Variants in WDPCP observed in about 807,000 individuals in gnomAD.
The protein encoded by WDPCP is WD repeat-containing and planar cell polarity effector protein fritz homolog.
WDPCP carries 71 observed loss-of-function variants against 93.1 expected under a neutral mutation model. That is an observed-to-expected ratio of 0.76 (90% CI 0.63 to 0.93). WDPCP has a LOEUF of 0.93. WDPCP is among the 40% of genes least tolerant of loss of function. The pLI, the probability that WDPCP is intolerant of heterozygous loss-of-function variation, is 0.00. For synonymous variants in WDPCP, 315 were observed against 315.0 expected (o/e 1.00, Z 0.00); for missense variants, 844 against 887.4 (o/e 0.95, Z 0.62).
At chr2:63,203,870 C>T (rs1033935542) in intron 14 of WDPCP, among the ~76,000 whole-genome samples, 1 of 152,170 alleles carries the variant, frequency 6.6e-6, no homozygotes, top group African/African-American at 2.4e-5. Context: ...CGTGTTGTTG[C>T]AGATAACAGG....
chr2:63,346,562 C>T (rs1689206754), intron 12 of WDPCP, among the ~76,000 whole-genome samples: 1 of 152,224 alleles, frequency 6.6e-6, no homozygotes, highest in Non-Finnish European at 1.5e-5. Context: ...AGCAGGGATT[C>T]TAGGGCAGCT....
intron 2 of WDPCP, among the ~76,000 whole-genome samples, chr2:63,657,743 T>A (rs1048043812): frequency 1.3e-5 from 2 of 152,118 alleles, no homozygotes; most frequent in African/African-American, 2.4e-5. Context: ...TATTTCCCAT[T>A]GTTTGTAAAT....
chr2:63,592,607 C>T (rs1001914696), upstream of WDPCP, among the ~76,000 whole-genome samples: 15 of 152,236 alleles, frequency 9.9e-5, no homozygotes, highest in African/African-American at 2.9e-4. Context: ...TGTCCCCCCG[C>T]GCAATGCGCT....
intron 13 of WDPCP, among the ~76,000 whole-genome samples, chr2:63,294,875 A>C (rs1160949342): frequency 6.6e-6 from 1 of 152,200 alleles, no homozygotes; most frequent in Non-Finnish European, 1.5e-5. Context: ...TCTAAAAGCT[A>C]GCATTATTGT....
intron 2 of WDPCP, among the ~76,000 whole-genome samples, chr2:63,802,243 T>C (rs184736630): frequency 0.015 from 1,845 of 119,748 alleles, 18 homozygotes; most frequent in Non-Finnish European, 0.016. Flanking sequence ...TCCAGGAGTT[T>C]GAGACCAGCC....
At chr2:63,596,730 C>T (rs549559316) in intron 3 of WDPCP, among the ~76,000 whole-genome samples, 1 of 152,202 alleles carries the variant, frequency 6.6e-6, no homozygotes, top group African/African-American at 2.4e-5. Context: ...TTTTTTAATA[C>T]AATCAACAAA....
intron 9 of WDPCP, among the ~76,000 whole-genome samples, chr2:63,424,751 G>A (rs1696136633): frequency 6.6e-6 from 1 of 152,184 alleles, no homozygotes; most frequent in Admixed American, 6.5e-5. Context: ...TGGGCCTGGG[G>A]CATGCCTCCC....
intron 17 of WDPCP, among the ~76,000 whole-genome samples, chr2:63,145,544 C>T (rs1671433441): frequency 6.6e-6 from 1 of 152,064 alleles, no homozygotes; most frequent in Admixed American, 6.6e-5. Context: ...AGGGGAAAGC[C>T]GGCAGTCACT....
chr2:63,762,532 A>G (rs1670071097), intron 2 of WDPCP, among the ~76,000 whole-genome samples: 1 of 152,138 alleles, frequency 6.6e-6, no homozygotes, highest in Non-Finnish European at 1.5e-5. Flanking sequence ...GGTAATTTAT[A>G]AGAATATATT....
Position 63,254,398 on chromosome 2 carries a change from A to G in WDPCP, c.1915+4909T>C, listed in dbSNP as rs577104216. 6.6e-5 allele frequency among the ~76,000 whole-genome samples: 10 copies of G among 152,290 alleles called. No individual in the cohort carries two copies. The South Asian group carries it at 1.9e-3, about 28-fold the overall frequency. On this transcript the variant is annotated intron_variant, in intron 14 of 17. Transcript: ENST00000272321. Reference sequence around the variant, plus strand: ...AAATAAAAGTTGAAATTATTAAAGAAAAAAACTTCTAAAAAATTCACCAAT... The same window carrying G: ...AAATAAAAGTTGAAATTATTAAAGAGAAAAACTTCTAAAAAATTCACCAAT...
chr2:63,663,079 GC>G (rs1460738014), intron 2 of WDPCP, among the ~76,000 whole-genome samples: 1 of 152,248 alleles, frequency 6.6e-6, no homozygotes, highest in Non-Finnish European at 1.5e-5. Context: ...GTCATTTCCT[GC>G]CTTACAACAC....
chr2:63,565,859 AC>A (rs1707003624), intron 1 of WDPCP, among the ~76,000 whole-genome samples: 1 of 152,174 alleles, frequency 6.6e-6, no homozygotes, highest in Non-Finnish European at 1.5e-5. Flanking sequence ...CCTCTCTCTC[AC>A]CATCTGCAGG....
intron 6 of WDPCP, among the ~76,000 whole-genome samples, chr2:63,445,484 TGTAACTTTAAAATCC>T (rs1697793887): frequency 6.6e-6 from 1 of 152,208 alleles, no homozygotes; most frequent in Admixed American, 6.5e-5. Context: ...CAATCCCTAA[TGTAACTTTAAAATCC>T]TGCTAACTAT....
chr2:63,269,416 G>A (rs1190989687), intron 13 of WDPCP, among the ~76,000 whole-genome samples: 1 of 152,098 alleles, frequency 6.6e-6, no homozygotes, highest in Non-Finnish European at 1.5e-5. Flanking sequence ...ATTTCAAAAT[G>A]TACACATATT....
intron 13 of WDPCP, among the ~76,000 whole-genome samples, chr2:63,273,555 T>C (rs894578616): frequency 1.3e-5 from 2 of 152,010 alleles, no homozygotes; most frequent in African/African-American, 4.8e-5. Flanking sequence ...TAAAAAGACA[T>C]GACCCAACTA....
intron 13 of WDPCP, among the ~76,000 whole-genome samples, chr2:63,286,292 A>C (rs1683997421): frequency 1.3e-5 from 2 of 152,192 alleles, no homozygotes; most frequent in Admixed American, 6.5e-5. Flanking sequence ...CTGAAGATCC[A>C]CAAAAGAAGT....
At position 63,671,027 on chromosome 2, in the gene WDPCP, A is replaced by G. The variant is rs1710339625; in HGVS notation, n.309-20189T>C. Reference sequence around the variant, plus strand: ...ATGAAAGAGGGGAATCCCACTGCACAGTTCGAACCTTTAATTCTGTCCCTA... The same window carrying G: ...ATGAAAGAGGGGAATCCCACTGCACGGTTCGAACCTTTAATTCTGTCCCTA... On this transcript the variant is annotated intron_variant and non_coding_transcript_variant, in intron 2 of 4. Transcript: ENST00000467687. Among the ~76,000 whole-genome samples, 3 of 152,152 alleles carry G rather than the reference A, an allele frequency of 2.0e-5. No individual in the cohort carries two copies. The South Asian group carries it at 6.2e-4, about 32-fold the overall frequency.
rs904253209 is a variant in WDPCP at position 63,437,341 on chromosome 2, A to C, written c.633+80T>G. The C allele has an allele frequency of 2.6e-6, 3 of 1,137,742 alleles. No homozygotes were observed. The African/African-American group carries it at 4.8e-5, about 18-fold the overall frequency. 70.5% of individuals were successfully genotyped at this position (1,137,742 alleles called of 1,614,324 possible). A position where few individuals can be genotyped will look rare whatever the true frequency, so the allele number is the denominator to read the frequency against. ...TGAAATCCAGAAATGTTGAAGAATAATGAGCAGAATACCAACTTATGTGAT... is the reference window on the plus strand; with the variant it reads ...TGAAATCCAGAAATGTTGAAGAATACTGAGCAGAATACCAACTTATGTGAT... On this transcript the variant is annotated intron_variant, in intron 8 of 17. Coordinates refer to ENST00000272321, the MANE Select transcript of WDPCP (RefSeq NM_015910.7).
At chr2:63,774,473 C>T (rs1421200447) in intron 2 of WDPCP, among the ~76,000 whole-genome samples, 1 of 152,140 alleles carries the variant, frequency 6.6e-6, no homozygotes, top group Non-Finnish European at 1.5e-5. Flanking sequence ...GATTTTGACC[C>T]ACCACCTATG....
Sources: gnomAD v4.1 joint callset for allele counts (sites outside exome capture counted in the v4.1 genomes callset) on GRCh38, gnomAD v4.1.1 for gene constraint, MANE v1.5 for transcripts, NCBI Gene and HGNC (gene_info 2026-07-23, HGNC 2026-07-21) for gene names.